The following KIAA0513 variants were observed in gnomAD, a reference collection of about 807,000 sequenced individuals.
The protein encoded by KIAA0513 is uncharacterized protein KIAA0513.
A neutral mutation model predicts 56.5 loss-of-function variants in KIAA0513; 39 were observed. The observed-to-expected ratio is 0.69, with a 90% CI of 0.53 to 0.90. The LOEUF is 0.90. KIAA0513 is among the 40% of genes least tolerant of loss of function. The probability of loss-of-function intolerance (pLI) is 0.00; values close to 1 mark genes in which losing one functional copy is unlikely to be tolerated. For synonymous variants in KIAA0513, 268 were observed against 215.6 expected, an observed-to-expected ratio of 1.24 and a Z score of -2.13; for missense variants, 591 against 535.2, an observed-to-expected ratio of 1.10 and a Z score of -1.03.
chr16:85,057,408 G>A (rs59082419), intron 1 of KIAA0513, among the ~76,000 whole-genome samples: 12,858 of 152,282 alleles, frequency 0.084, 1,747 homozygotes, highest in African/African-American at 0.28. Flanking sequence ...GGTGTGTGGT[G>A]TGATTGGGCC....
intron 7 of KIAA0513, among the ~76,000 whole-genome samples, chr16:85,078,704 G>A (rs1277973735): frequency 1.3e-5 from 2 of 152,238 alleles, no homozygotes; most frequent in Non-Finnish European, 2.9e-5. Context: ...GCGAGGGGCT[G>A]TGGCCATGCT....
intron 4 of KIAA0513, among the ~76,000 whole-genome samples, chr16:85,075,354 C>T (rs774021624): frequency 3.9e-5 from 6 of 152,250 alleles, no homozygotes; most frequent in South Asian, 2.1e-4. Context: ...AGGAATGGCC[C>T]GACCCAAGAC....
intron 1 of KIAA0513, among the ~76,000 whole-genome samples, chr16:85,031,997 G>C (rs1263759970): frequency 6.6e-6 from 1 of 152,196 alleles, no homozygotes; most frequent in East Asian, 1.9e-4. Context: ...TCTCGGGAGT[G>C]CTCTCACAAA....
rs959449808 is a variant in KIAA0513, at chr16:85,087,265, G to C, written c.1186+99G>C. 11 of 963,116 alleles carry C rather than the reference G, an allele frequency of 1.1e-5. No individual in the cohort carries two copies. The African/African-American group carries it at 1.6e-4, about 14-fold the overall frequency. 59.7% of individuals were successfully genotyped at this position (963,116 alleles called of 1,614,324 possible). On this transcript the variant is annotated intron_variant, in intron 12 of 12. Transcript: ENST00000683363. ...CTTCTGCACTGCCAGAAGGCATGTC[G>C]TGTTGCAGTCGGAAACGTGGTGCTG...
intron 1 of KIAA0513, among the ~76,000 whole-genome samples, chr16:85,053,513 T>G (rs1212093659): frequency 6.6e-6 from 1 of 152,198 alleles, no homozygotes; most frequent in African/African-American, 2.4e-5. Context: ...GTTTGCCCCA[T>G]TAGGGATGGA....
intron 5 of KIAA0513, among the ~76,000 whole-genome samples, chr16:85,077,033 C>A (rs775378311): frequency 6.6e-6 from 1 of 152,136 alleles, no homozygotes; most frequent in Admixed American, 6.5e-5. Context: ...GGCCCCCCCC[C>A]AACCCGGTGT....
At chr16:85,064,162 T>C (rs2073446239) in intron 1 of KIAA0513, among the ~76,000 whole-genome samples, 1 of 151,998 alleles carries the variant, frequency 6.6e-6, no homozygotes, top group African/African-American at 2.4e-5. Flanking sequence ...TGCGCCACCA[T>C]GCCTGGCTAA....
chr16:85,055,951 T>C (rs2073323033), intron 1 of KIAA0513, among the ~76,000 whole-genome samples: 1 of 152,206 alleles, frequency 6.6e-6, no homozygotes, highest in African/African-American at 2.4e-5. Flanking sequence ...ATCTGTGCTT[T>C]TTCTTTCCCT....
At chr16:85,078,544 T>C in intron 7 of KIAA0513, 89 bp downstream of exon 7, 1 of 1,295,886 alleles carries the variant, frequency 7.7e-7, no homozygotes, top group Middle Eastern at 2.0e-4. Flanking sequence ...GGGGCTTTCC[T>C]GCCTCCACGG....
chr16:85,032,873 G>A (rs1000958166), intron 1 of KIAA0513, among the ~76,000 whole-genome samples: 2 of 151,968 alleles, frequency 1.3e-5, no homozygotes, highest in East Asian at 1.9e-4. Flanking sequence ...CTCATGATCC[G>A]CCTACCTGGG....
chr16:85,052,698 C>G lies in KIAA0513; in HGVS notation c.-172-14202C>G, dbSNP rs554729391. ...ACAGAGTGTTCCAGGAGCAGCCTGA[C>G]CAGCAGAAGCAGAGTGAATGGCATC... On this transcript the variant is annotated intron_variant, in intron 1 of 12. Transcript: ENST00000683363. 2.0e-5 allele frequency among the ~76,000 whole-genome samples: 3 copies of G among 152,226 alleles called. No individual in the cohort carries two copies. In the South Asian group the frequency reaches 6.2e-4, roughly 32 times the overall value.
At chr16:85,050,746 C>T (rs1244166664) in intron 1 of KIAA0513, among the ~76,000 whole-genome samples, 2 of 152,160 alleles carry the variant, frequency 1.3e-5, no homozygotes, top group Non-Finnish European at 2.9e-5. Flanking sequence ...GTTGCTGAGT[C>T]AAGGAAGGCA....
intron 1 of KIAA0513, among the ~76,000 whole-genome samples, chr16:85,048,602 G>A (rs1325490558): frequency 6.6e-6 from 1 of 152,052 alleles, no homozygotes; most frequent in East Asian, 1.9e-4. Flanking sequence ...TCTGAAGCTG[G>A]ATGTGGTGGC....
At chr16:85,067,503 C>G in intron 2 of KIAA0513, 103 bp downstream of exon 2, 2 of 885,642 alleles carry the variant, frequency 2.3e-6, no homozygotes, top group Non-Finnish European at 3.4e-6. Context: ...CCACCTGGGA[C>G]CAGAGCTTCC....
At chr16:85,072,843 G>T in intron 3 of KIAA0513, 82 bp from the exon 4 acceptor site, 1 of 1,342,798 alleles carries the variant, frequency 7.4e-7, no homozygotes, top group East Asian at 2.3e-5. Flanking sequence ...TGGAAACACT[G>T]AGAGTGCAAA....
intron 12 of KIAA0513, among the ~76,000 whole-genome samples, chr16:85,087,522 G>A (rs1597652568): frequency 6.6e-6 from 1 of 152,334 alleles, no homozygotes; most frequent in East Asian, 1.9e-4. Flanking sequence ...GCTGTCACGT[G>A]GCATCCTTTT....
At chr16:85,038,968 G>A (rs964701679) in intron 1 of KIAA0513, among the ~76,000 whole-genome samples, 2 of 152,152 alleles carry the variant, frequency 1.3e-5, no homozygotes, top group African/African-American at 4.8e-5. Context: ...TGTTAGTGAC[G>A]TATTTTATTC....
chr16:85,045,442 G>A (rs892423545), intron 1 of KIAA0513, among the ~76,000 whole-genome samples: 9 of 152,116 alleles, frequency 5.9e-5, no homozygotes, highest in African/African-American at 1.4e-4. Context: ...TGCAACCTCC[G>A]CCTCCCAGGT....
chr16:85,086,939 G>A (rs2073816085), intron 11 of KIAA0513, 133 bp from the exon 12 acceptor site: 2 of 900,592 alleles, frequency 2.2e-6, no homozygotes, highest in East Asian at 5.2e-5. Context: ...TGGCTAATTA[G>A]GCAGCAGTGC....
Sources: gnomAD v4.1 joint callset for allele counts (sites outside exome capture counted in the v4.1 genomes callset) on GRCh38, gnomAD v4.1.1 for gene constraint, MANE v1.5 for transcripts, NCBI Gene and HGNC (gene_info 2026-07-23, HGNC 2026-07-21) for gene names.